RAPGEF5: variants seen among roughly 807,000 people sequenced by gnomAD.
RAPGEF5 encodes Rap guanine nucleotide exchange factor 5.
In RAPGEF5, 65 loss-of-function variants were observed where a neutral mutation model predicts 125.2. The ratio of observed to expected loss-of-function variants is 0.52; its 90% confidence interval spans 0.43 to 0.64. The LOEUF (loss-of-function observed/expected upper bound fraction) is 0.64, where lower values mean the gene tolerates loss of function less well. Ranked by LOEUF, RAPGEF5 falls within the 30% of genes least tolerant of loss-of-function variation. RAPGEF5 has a pLI of 0.00. For missense variants in RAPGEF5, 958 were observed against 1,048.1 expected, an observed-to-expected ratio of 0.91 and a Z score of 1.19; for synonymous variants, 391 against 385.9, an observed-to-expected ratio of 1.01 and a Z score of -0.16.
Position 22,196,456 on chromosome 7 carries a change from T to C in RAPGEF5, c.997-2423A>G, listed in dbSNP as rs555537140. Among the ~76,000 whole-genome samples, 153 of 152,352 alleles carry C rather than the reference T, an allele frequency of 1.0e-3. 4 individuals carry two copies. The South Asian group carries it at 0.028, about 28-fold the overall frequency. ...GCAGGTAAAGTATTAAAACACTTAATTGACATTCATTCAACAAATAGTGAG... is the reference window on the plus strand; with the variant it reads ...GCAGGTAAAGTATTAAAACACTTAACTGACATTCATTCAACAAATAGTGAG... On this transcript the variant is annotated intron_variant, in intron 9 of 25. Coordinates refer to ENST00000665637, the MANE Select transcript of RAPGEF5 (RefSeq NM_012294.5).
rs561675291 is a variant in RAPGEF5, at chr7:22,271,917, A to G, written c.748-4905T>C. On this transcript the variant is annotated intron_variant, in intron 6 of 25. Transcript: ENST00000665637. The stretch of plus-strand genomic sequence containing the variant: ...CCAAAGGCTCCCAGACCTGTTTTGC[A>G]TCAAAGCTAAGATTCAAGCAAACTC... Among the ~76,000 whole-genome samples the G allele has an allele frequency of 2.0e-5, 3 of 152,272 alleles. No homozygotes were observed. In the South Asian group the frequency reaches 6.2e-4, roughly 32 times the overall value.
At chr7:22,178,433 C>A (rs1344279651) in intron 11 of RAPGEF5, among the ~76,000 whole-genome samples, 3 of 152,210 alleles carry the variant, frequency 2.0e-5, no homozygotes, top group Non-Finnish European at 2.9e-5. Flanking sequence ...ACTTCAGATG[C>A]CAATCACAAG....
At chr7:22,328,861 A>G (rs953386609) in intron 1 of RAPGEF5, among the ~76,000 whole-genome samples, 2 of 152,218 alleles carry the variant, frequency 1.3e-5, no homozygotes, top group Non-Finnish European at 2.9e-5. Flanking sequence ...AAGATGAACA[A>G]CAGGGCAAAG....
chr7:22,254,075 G>A (rs1235418442), intron 7 of RAPGEF5, among the ~76,000 whole-genome samples: 1 of 152,038 alleles, frequency 6.6e-6, no homozygotes, highest in Non-Finnish European at 1.5e-5. Context: ...TGAATATCTT[G>A]TCTTTGGAAT....
chr7:22,300,500 T>A (rs1783172435), intron 5 of RAPGEF5, among the ~76,000 whole-genome samples: 1 of 152,222 alleles, frequency 6.6e-6, no homozygotes, highest in African/African-American at 2.4e-5. Context: ...TGTCAAGTAA[T>A]TCTGTATTAT....
chr7:22,325,367 C>A (rs1783794077), intron 1 of RAPGEF5, among the ~76,000 whole-genome samples: 1 of 152,060 alleles, frequency 6.6e-6, no homozygotes, highest in African/African-American at 2.4e-5. Context: ...GTCTGATAAC[C>A]TGCCAAGTGG....
chr7:22,266,108 A>C (rs561505397), intron 7 of RAPGEF5, among the ~76,000 whole-genome samples: 40 of 152,220 alleles, frequency 2.6e-4, no homozygotes, highest in Non-Finnish European at 5.1e-4. Flanking sequence ...TAACTGGAAA[A>C]AGAAAGATAT....
intron 9 of RAPGEF5, among the ~76,000 whole-genome samples, chr7:22,211,985 T>TTTTA (rs869245713): frequency 7.2e-6 from 1 of 139,440 alleles, no homozygotes; most frequent in African/African-American, 2.7e-5. Flanking sequence ...TTTTTTTTTT[T>TTTTA]AGACCGAGTC....
At chr7:22,202,877 AC>A in intron 9 of RAPGEF5, 1 of 328,542 alleles carries the variant, frequency 3.0e-6, no homozygotes, top group Non-Finnish European at 6.2e-6. Context: ...TACCTTATAG[AC>A]CCAGTTGAAT....
Position 22,219,935 on chromosome 7 carries a change from G to C in RAPGEF5, c.927C>G (p.Val309=). Residue 309 remains valine, a synonymous_variant, in exon 9 of 26, where the codon GTC becomes GTG. Coordinates refer to ENST00000665637, the MANE Select transcript of RAPGEF5 (RefSeq NM_012294.5). ...GATAGTTTTCTTTTGCCAGCTTCTG[G>C]ACTAGTTCAATTCGTCCGATTTCAT... ...ERDEIGRIEL[V]QKLAKENYQF... The C allele has an allele frequency of 6.2e-7, 1 of 1,613,420 alleles. No individual in the cohort carries two copies. The highest frequency in any genetic ancestry group is 8.5e-7 in the Non-Finnish European group (1 of 1,179,606).
In RAPGEF5 at chr7:22,167,136, T is replaced by C; in HGVS notation, c.1217A>G (p.Asp406Gly). The change falls in exon 12 of 26, where the codon GAT (aspartate) becomes GGT (glycine). Residue 406 changes from aspartate to glycine, a missense_variant. Asp to Gly is a moderately conservative substitution (Grantham distance 94). Transcript: ENST00000665637. The stretch of plus-strand genomic sequence containing the variant: ...GACAGTGTACGTGAGAAGGAAGTCA[T>C]CCAGGAGGGTCTCTGCAAAGAAAAA... ...VQDKETETLLDDFLLTYTVFM... is the reference protein window; with the variant it reads ...VQDKETETLLGDFLLTYTVFM... 1 of 1,612,028 alleles carries C rather than the reference T, an allele frequency of 6.2e-7. No homozygotes were observed.
chr7:22,341,637 C>T (rs1017673570), intron 1 of RAPGEF5, among the ~76,000 whole-genome samples: 1 of 152,182 alleles, frequency 6.6e-6, no homozygotes. Context: ...TACAGCCATT[C>T]CAAATGGGAG....
chr7:22,228,634 A>C (rs1785978733), intron 8 of RAPGEF5, among the ~76,000 whole-genome samples: 1 of 151,480 alleles, frequency 6.6e-6, no homozygotes, highest in Non-Finnish European at 1.5e-5. Context: ...CGGCCTCCCA[A>C]GTAGCTGGGA....
At chr7:22,288,769 T>C (rs1043521991) in intron 6 of RAPGEF5, among the ~76,000 whole-genome samples, 6 of 152,184 alleles carry the variant, frequency 3.9e-5, no homozygotes, top group African/African-American at 1.4e-4. Context: ...AATTTCTTTG[T>C]GTTCGTTTTT....
chr7:22,331,744 CAAAAA>C (rs11406166), intron 1 of RAPGEF5, among the ~76,000 whole-genome samples: 5 of 94,904 alleles, frequency 5.3e-5, no homozygotes, highest in Admixed American at 1.2e-4. Context: ...GACTCCATCT[CAAAAA>C]AAAAAAAAAA....
chr7:22,168,266 C>CTT (rs1411239042), intron 11 of RAPGEF5, among the ~76,000 whole-genome samples: 1 of 152,122 alleles, frequency 6.6e-6, no homozygotes, highest in Non-Finnish European at 1.5e-5. Context: ...GCATTGCTAT[C>CTT]TTTATAAGAG....
chr7:22,318,679 G>A (rs73282276), intron 1 of RAPGEF5, among the ~76,000 whole-genome samples: 5,823 of 152,188 alleles, frequency 0.038, 136 homozygotes, highest in East Asian at 0.097. Flanking sequence ...CTTTAGTCAC[G>A]TCAGTCTTCA....
intron 1 of RAPGEF5, among the ~76,000 whole-genome samples, chr7:22,353,094 A>G (rs1167085791): frequency 6.6e-6 from 1 of 152,176 alleles, no homozygotes; most frequent in African/African-American, 2.4e-5. Flanking sequence ...ATCTAATCAA[A>G]CCTCTATATC....
At chr7:22,131,856 T>C (rs1384402520) in intron 23 of RAPGEF5, among the ~76,000 whole-genome samples, 2 of 152,166 alleles carry the variant, frequency 1.3e-5, no homozygotes, top group African/African-American at 2.4e-5. Flanking sequence ...TCAAGACATA[T>C]AGATTTGGAA....
Sources: gnomAD v4.1 joint callset for allele counts (sites outside exome capture counted in the v4.1 genomes callset) on GRCh38, gnomAD v4.1.1 for gene constraint, MANE v1.5 for transcripts, NCBI Gene and HGNC (gene_info 2026-07-23, HGNC 2026-07-21) for gene names.